The following TSC2 variants were observed in gnomAD, a reference collection of about 807,000 sequenced individuals.
The protein encoded by TSC2 is tuberin.
A neutral mutation model predicts 202.2 loss-of-function variants in TSC2; 29 were observed. The observed-to-expected ratio is 0.14, with a 90% CI of 0.11 to 0.20. The LOEUF (loss-of-function observed/expected upper bound fraction) is 0.20, where lower values mean the gene tolerates loss of function less well. TSC2 is among the 10% of genes least tolerant of loss of function. The probability of loss-of-function intolerance (pLI) is 1.00; values close to 1 mark genes in which losing one functional copy is unlikely to be tolerated. For missense variants in TSC2, 2,429 were observed against 2,420.0 expected, an observed-to-expected ratio of 1.00 and a Z score of -0.08; for synonymous variants, 1,349 against 1,044.0, an observed-to-expected ratio of 1.29 and a Z score of -5.63.
At chr16:2,064,507 TC>T (rs1555502658) in intron 15 of TSC2, 80 bp downstream of exon 15, 8 of 1,598,144 alleles carry the variant, frequency 5.0e-6, no homozygotes, top group Non-Finnish European at 6.8e-6. Flanking sequence ...CCCTCTGTCC[TC>T]CTCTTCGAGT....
chr16:2,088,934 GAGGAGTCTTTTCCTCTAACC>G lies in TSC2; in HGVS notation c.*326_*345del. ...CTCCACCCTGGGAGCCAGCCCCCAGGAGGAGTCTTTTCCTCTAACCACCCTGGGGTCCTCTGACATGCCTA... is the reference window on the plus strand; with the variant it reads ...CTCCACCCTGGGAGCCAGCCCCCAGGACCCTGGGGTCCTCTGACATGCCTA... On this transcript the variant is annotated 3_prime_UTR_variant, in exon 42 of 42. Transcript: ENST00000219476. The G allele has an allele frequency of 2.6e-6, 1 of 379,556 alleles. No homozygotes were observed. Among genetic ancestry groups the G allele is most frequent in the African/African-American group, 2.1e-5 (1 of 48,186 alleles). The allele number at this position is 379,556 out of a possible 1,614,324, so 23.5% of individuals were successfully genotyped here.
chr16:2,065,293 G>C (rs2087173847), intron 15 of TSC2: 1 of 531,248 alleles, frequency 1.9e-6, no homozygotes, highest in African/African-American at 1.9e-5. Context: ...GGCGCCTGTA[G>C]TCCTAGCTAC....
At chr16:2,050,283 T>G in intron 2 of TSC2, 117 bp from the exon 3 acceptor site, 1 of 986,230 alleles carries the variant, frequency 1.0e-6, no homozygotes. Context: ...CAGAAAGATC[T>G]GTTTTAAGTC....
chr16:2,061,007 A>G (rs1011283278), intron 11 of TSC2, 194 bp downstream of exon 11: 8 of 707,414 alleles, frequency 1.1e-5, no homozygotes, highest in African/African-American at 5.3e-5. Context: ...GACGTGGTGC[A>G]TCGTTTAGGC....
At chr16:2,048,170 G>A in intron 1 of TSC2, 105 bp downstream of exon 1, 1 of 1,538,342 alleles carries the variant, frequency 6.5e-7, no homozygotes, top group Non-Finnish European at 8.8e-7. Context: ...CGCGCCCACT[G>A]CAACCCGACT....
At chr16:2,066,037 G>T (rs2087304563) in intron 16 of TSC2, among the ~76,000 whole-genome samples, 1 of 152,150 alleles carries the variant, frequency 6.6e-6, no homozygotes, top group South Asian at 2.1e-4. Context: ...CATTCACAGT[G>T]AACAGTTCAG....
rs1596467501 is a variant in TSC2 at position 2,088,913 on chromosome 16, A to C, written c.*303A>C. 9 of 369,406 alleles carry C rather than the reference A, an allele frequency of 2.4e-5. No homozygotes were observed. The highest frequency in any genetic ancestry group is 4.4e-5 in the Admixed American group (1 of 22,926). The allele number at this position is 369,406 out of a possible 1,614,324, so 22.9% of individuals were successfully genotyped here. Reference sequence around the variant, plus strand: ...CACACACACACAGTCACCTTCCTCCACCCTGGGAGCCAGCCCCCAGGAGGA... The same window carrying C: ...CACACACACACAGTCACCTTCCTCCCCCCTGGGAGCCAGCCCCCAGGAGGA... On this transcript the variant is annotated 3_prime_UTR_variant, in exon 42 of 42. Coordinates refer to ENST00000219476, the MANE Select transcript of TSC2 (RefSeq NM_000548.5).
intron 22 of TSC2, 173 bp downstream of exon 22, chr16:2,074,562 C>T (rs1453338003): frequency 1.3e-6 from 1 of 778,062 alleles, no homozygotes; most frequent in Non-Finnish European, 2.1e-6. Flanking sequence ...TCCTTCCTGG[C>T]TTTGAGGGGC....
rs912619632 is a variant in TSC2, at chr16:2,061,655, G to A, written c.1120-216G>A. On this transcript the variant is annotated intron_variant, in intron 11 of 41. Transcript: ENST00000219476. Reference sequence around the variant, plus strand: ...GGATCTGGGGGGTGTCCTGGGCCACGTGGGTCAGGGTGGCCCCTGGAGAGG... The same window carrying A: ...GGATCTGGGGGGTGTCCTGGGCCACATGGGTCAGGGTGGCCCCTGGAGAGG... 35 of 688,828 alleles carry A rather than the reference G, an allele frequency of 5.1e-5. No individual in the cohort carries two copies. In the African/African-American group the frequency reaches 5.3e-4, roughly 10 times the overall value. The allele number at this position is 688,828 out of a possible 1,614,324, so 42.7% of individuals were successfully genotyped here.
At chr16:2,081,860 C>T (rs762061727) in intron 31 of TSC2, 62 bp downstream of exon 31, 127 of 1,580,152 alleles carry the variant, frequency 8.0e-5, no homozygotes, top group East Asian at 1.4e-4. Context: ...CTCCCGGTGA[C>T]GGCAATGTGG....
rs762659998 is a variant in TSC2 at position 2,056,229 on chromosome 16, C to G, written c.633C>G (p.Ser211=). ...MICLLCVRTA[S]SVDIEVSLQV... is the part of the protein sequence containing the mutation. ...GTCTGCTGTGCGTCCGGACCGCGTC[C>G]TCTGTGGACATAGAGGTCAGTGCCT... Residue 211 remains serine, a synonymous_variant, in exon 7 of 42, where the codon TCC becomes TCG. Coordinates refer to ENST00000219476, the MANE Select transcript of TSC2 (RefSeq NM_000548.5). 5.6e-6 allele frequency: 9 copies of G among 1,614,086 alleles called. No individual in the cohort carries two copies. Among genetic ancestry groups the G allele is most frequent in the Non-Finnish European group, 5.9e-6 (7 of 1,180,040 alleles).
At chr16:2,074,412 C>T in intron 22 of TSC2, 23 bp downstream of exon 22, 2 of 1,606,634 alleles carry the variant, frequency 1.2e-6, no homozygotes, top group Non-Finnish European at 1.7e-6. Context: ...CCTGCCTGCG[C>T]ATGCACCCGA....
At position 2,088,750 on chromosome 16, in the gene TSC2, C is replaced by CG. The variant is rs202247051; in HGVS notation, c.*145dup. 8 of 1,219,090 alleles carry CG rather than the reference C, an allele frequency of 6.6e-6. No individual in the cohort carries two copies. The Admixed American group carries it at 1.4e-4, about 21-fold the overall frequency. 75.5% of individuals were successfully genotyped at this position (1,219,090 alleles called of 1,614,324 possible). On this transcript the variant is annotated 3_prime_UTR_variant, in exon 42 of 42. Transcript: ENST00000219476. ...TTTTATTGACTTTGTCTGCTTGGTG[C>CG]GGGGGTTGGGGGGGTGTCGAGGCTC... is the stretch of plus-strand genomic sequence containing the variant.
chr16:2,048,826 G>A (rs2084703416), intron 2 of TSC2, 73 bp downstream of exon 2: 4 of 1,606,146 alleles, frequency 2.5e-6, no homozygotes, highest in East Asian at 2.2e-5. Flanking sequence ...CTTGCACCAG[G>A]TTCTGTGGGA....
chr16:2,054,455 G>C lies in TSC2; in HGVS notation c.481+15G>C. 1 of 1,614,090 alleles carries C rather than the reference G, an allele frequency of 6.2e-7. No homozygotes were observed. The highest frequency in any genetic ancestry group is 2.2e-5 in the East Asian group (1 of 44,884). ...GGAAGAGCTGGGTGGGTGCCACCTTGGGTTGGAGGTTTCTCTGGCCTTGAC... is the reference window on the plus strand; with the variant it reads ...GGAAGAGCTGGGTGGGTGCCACCTTCGGTTGGAGGTTTCTCTGGCCTTGAC... On this transcript the variant is annotated intron_variant, in intron 5 of 41. Transcript: ENST00000219476.
At chr16:2,062,143 G>A in intron 12 of TSC2, 135 bp downstream of exon 12, 1 of 1,308,386 alleles carries the variant, frequency 7.6e-7, no homozygotes, top group Non-Finnish European at 1.1e-6. Flanking sequence ...TCTGCACTCG[G>A]CAGGGAAGGC....
intron 2 of TSC2, among the ~76,000 whole-genome samples, 164 bp downstream of exon 2, chr16:2,048,917 G>A (rs1179964392): frequency 1.3e-5 from 2 of 152,150 alleles, no homozygotes; most frequent in African/African-American, 4.8e-5. Context: ...AGGAGACTTC[G>A]AAAGTCAGGA....
In TSC2 at chr16:2,062,548, G is replaced by C. The variant is rs764967942; in HGVS notation, c.1309G>C (p.Ala437Pro). 1.1e-5 allele frequency: 18 copies of C among 1,612,194 alleles called. No homozygotes were observed. Among genetic ancestry groups the C allele is most frequent in the Non-Finnish European group, 1.4e-5 (16 of 1,179,178 alleles). ...ISYRAQSIHP[A>P]KDGWIQNLQA... ...CTATAGAGCGCAGTCCATCCACCCG[G>C]CCAAGGACGGCTGGATTCAGAACCT... is the stretch of plus-strand genomic sequence containing the variant. The change falls in exon 13 of 42, where the codon GCC (alanine) becomes CCC (proline). Residue 437 changes from alanine to proline, a missense_variant. Ala to Pro is a conservative substitution (Grantham distance 27). Coordinates refer to ENST00000219476, the MANE Select transcript of TSC2 (RefSeq NM_000548.5).
intron 26 of TSC2, chr16:2,078,662 C>T (rs938258291): frequency 9.9e-5 from 36 of 363,390 alleles, no homozygotes; most frequent in African/African-American, 5.4e-4. Context: ...TTGCCGGAGG[C>T]AGCCTGCGGG....
Sources: gnomAD v4.1 joint callset for allele counts (sites outside exome capture counted in the v4.1 genomes callset) on GRCh38, gnomAD v4.1.1 for gene constraint, MANE v1.5 for transcripts, NCBI Gene and HGNC (gene_info 2026-07-23, HGNC 2026-07-21) for gene names.